The following BMP7 variants were observed in gnomAD, a reference collection of about 807,000 sequenced individuals.
The protein encoded by BMP7 is osteogenic protein 1.
BMP7 carries 12 observed loss-of-function variants against 41.2 expected under a neutral mutation model. The ratio of observed to expected loss-of-function variants is 0.29; its 90% CI spans 0.19 to 0.47. The LOEUF (loss-of-function observed/expected upper bound fraction) is 0.47, where lower values mean the gene tolerates loss of function less well. Ranked by LOEUF, BMP7 falls within the 20% of genes least tolerant of loss-of-function variation. The probability of loss-of-function intolerance (pLI) is 0.99; values close to 1 mark genes in which losing one functional copy is unlikely to be tolerated. For missense variants in BMP7, 467 were observed against 606.0 expected, an observed-to-expected ratio of 0.77 and a Z score of 2.41; for synonymous variants, 248 against 250.0, an observed-to-expected ratio of 0.99 and a Z score of 0.07.
At chr20:57,235,424 C>T (rs2066043794) in intron 1 of BMP7, among the ~76,000 whole-genome samples, 2 of 152,168 alleles carry the variant, frequency 1.3e-5, no homozygotes, top group South Asian at 4.2e-4. Flanking sequence ...ACTTTAGTTC[C>T]ACATCTGACT....
chr20:57,246,165 A>C (rs2066090081), intron 1 of BMP7, among the ~76,000 whole-genome samples: 2 of 152,304 alleles, frequency 1.3e-5, no homozygotes, highest in South Asian at 4.1e-4. Context: ...TGCACACGTT[A>C]CACCTCAATA....
chr20:57,179,291 A>T lies in BMP7; in HGVS notation c.959-4284T>A, dbSNP rs556715953. ...GCCCCACCCGCCCCCAAGCAACAGA[A>T]AGTGAGCAGGAGACAGCCCTGACGC... On this transcript the variant is annotated intron_variant, in intron 4 of 6. Coordinates refer to ENST00000395863, the MANE Select transcript of BMP7 (RefSeq NM_001719.3). Among the ~76,000 whole-genome samples the T allele has an allele frequency of 1.7e-3, 259 of 152,312 alleles. 1 individual carries two copies. Among genetic ancestry groups the T allele is most frequent in the Non-Finnish European group, 3.0e-3 (202 of 68,028 alleles).
intron 4 of BMP7, among the ~76,000 whole-genome samples, chr20:57,180,835 G>GA (rs1676608966): frequency 6.6e-6 from 1 of 152,126 alleles, no homozygotes; most frequent in African/African-American, 2.4e-5. Context: ...CAGGGGTCAG[G>GA]AAGCCTTGTC....
intron 1 of BMP7, among the ~76,000 whole-genome samples, chr20:57,255,702 A>G (rs1334181960): frequency 7.0e-6 from 1 of 142,436 alleles, no homozygotes; most frequent in Non-Finnish European, 1.5e-5. Flanking sequence ...CAGGAGGCTG[A>G]GGCAGGAGAA....
intron 1 of BMP7, among the ~76,000 whole-genome samples, chr20:57,236,361 G>A (rs1305657556): frequency 6.6e-6 from 1 of 152,226 alleles, no homozygotes; most frequent in Non-Finnish European, 1.5e-5. Flanking sequence ...GAAGAAACAC[G>A]TGTGGCTGCA....
intron 3 of BMP7, among the ~76,000 whole-genome samples, chr20:57,199,639 G>T (rs919030291): frequency 6.6e-6 from 1 of 152,150 alleles, no homozygotes; most frequent in Non-Finnish European, 1.5e-5. Flanking sequence ...GATCCTCCAC[G>T]GTAGGGAAAA....
chr20:57,232,918 CA>C (rs2066034589), intron 1 of BMP7, among the ~76,000 whole-genome samples: 1 of 150,226 alleles, frequency 6.7e-6, no homozygotes, highest in Non-Finnish European at 1.5e-5. Flanking sequence ...GTGGATAATT[CA>C]AAGTCCAAAC....
At position 57,174,035 on chromosome 20, in the gene BMP7, G is replaced by A. The variant is rs1168472683; in HGVS notation, c.1036-725C>T. On this transcript the variant is annotated intron_variant, in intron 5 of 6. Transcript: ENST00000395863. This position sits in a 1 kb window ranked among gnomAD's most constrained non-coding sequence, Gnocchi z 4.3. Reference sequence around the variant, plus strand: ...CAGAGGCCCCTGGAGTTTGGGTTCTGTCCCAGCTGCAGGTGGATGTGGTCA... The same window carrying A: ...CAGAGGCCCCTGGAGTTTGGGTTCTATCCCAGCTGCAGGTGGATGTGGTCA... 6.6e-6 allele frequency among the ~76,000 whole-genome samples: 1 copy of A among 152,150 alleles called. No homozygotes were observed. The highest frequency in any genetic ancestry group is 1.5e-5 in the Non-Finnish European group (1 of 68,022).
intron 1 of BMP7, among the ~76,000 whole-genome samples, chr20:57,237,532 C>T (rs189306885): frequency 3.3e-5 from 5 of 152,308 alleles, no homozygotes; most frequent in East Asian, 1.9e-4. Flanking sequence ...CAAAGATTTA[C>T]ATGGCAAGAT....
intron 2 of BMP7, among the ~76,000 whole-genome samples, chr20:57,205,033 G>A (rs559921317): frequency 2.6e-5 from 4 of 152,302 alleles, no homozygotes; most frequent in South Asian, 2.1e-4. Context: ...ACACGGCAAC[G>A]AGGTGTCATC....
At chr20:57,240,728 A>C (rs1305350323) in intron 1 of BMP7, among the ~76,000 whole-genome samples, 1 of 152,204 alleles carries the variant, frequency 6.6e-6, no homozygotes, top group African/African-American at 2.4e-5. Context: ...GCAGCAAGAG[A>C]AAATGAGGAA....
intron 4 of BMP7, among the ~76,000 whole-genome samples, chr20:57,176,325 A>G (rs1375772183): frequency 6.6e-6 from 1 of 152,106 alleles, no homozygotes; most frequent in Non-Finnish European, 1.5e-5. Context: ...AACCAACCCT[A>G]ATGTCCACCC....
chr20:57,238,211 G>A (rs1443334218), intron 1 of BMP7, among the ~76,000 whole-genome samples: 2 of 152,152 alleles, frequency 1.3e-5, no homozygotes, highest in Non-Finnish European at 2.9e-5. Context: ...GAATCACACA[G>A]TATTTGTCCT....
chr20:57,221,721 C>T (rs558575583), intron 2 of BMP7, among the ~76,000 whole-genome samples: 2 of 151,034 alleles, frequency 1.3e-5, no homozygotes, highest in African/African-American at 4.9e-5. Context: ...TCAGGTGGGA[C>T]GATTGCTCCA....
chr20:57,177,969 A>G (rs1983973146), intron 4 of BMP7: 1 of 152,328 alleles, frequency 6.6e-6, no homozygotes, highest in Admixed American at 6.5e-5. Flanking sequence ...CCTGCCACTC[A>G]GGGGCTTTTC....
chr20:57,227,812 G>C (rs1233995198), intron 2 of BMP7, among the ~76,000 whole-genome samples: 2 of 151,962 alleles, frequency 1.3e-5, no homozygotes, highest in Non-Finnish European at 2.9e-5. Context: ...TTTTTGGTTT[G>C]GGTTTTTTTC....
chr20:57,264,824 G>A (rs912708940), intron 1 of BMP7, among the ~76,000 whole-genome samples: 5 of 152,080 alleles, frequency 3.3e-5, no homozygotes, highest in Admixed American at 2.0e-4. Flanking sequence ...CTGAGATCGG[G>A]AGTTCGAGAC....
chr20:57,216,208 T>C (rs540937022), intron 2 of BMP7, among the ~76,000 whole-genome samples: 9 of 152,166 alleles, frequency 5.9e-5, no homozygotes, highest in Non-Finnish European at 1.3e-4. Flanking sequence ...TCCCAGAAGC[T>C]GTGCCGGTGC....
At chr20:57,264,051 G>A (rs1201747823) in intron 1 of BMP7, among the ~76,000 whole-genome samples, 3 of 152,214 alleles carry the variant, frequency 2.0e-5, no homozygotes, top group Non-Finnish European at 4.4e-5. Context: ...ATATGTTGCT[G>A]CTTCCTTCTT....
Sources: allele counts gnomAD v4.1 joint callset (sites outside exome capture counted in the v4.1 genomes callset), GRCh38; gene constraint gnomAD v4.1.1; non-coding constraint Gnocchi (gnomAD v3.1); transcripts MANE v1.5; gene names NCBI Gene and HGNC (gene_info 2026-07-23, HGNC 2026-07-21).